Variants in TSHZ2 observed in about 807,000 individuals in gnomAD.
TSHZ2 encodes the protein teashirt homolog 2.
TSHZ2 carries 21 observed loss-of-function variants against 74.4 expected under a neutral mutation model. That is an observed-to-expected ratio of 0.28 (90% CI 0.20 to 0.41). The LOEUF (loss-of-function observed/expected upper bound fraction) is 0.41, where lower values mean the gene tolerates loss of function less well. Ranked by LOEUF, TSHZ2 falls within the 10% of genes least tolerant of loss-of-function variation. The pLI, the probability that TSHZ2 is intolerant of heterozygous loss-of-function variation, is 1.00. For missense variants in TSHZ2, 1,244 were observed against 1,293.5 expected, an observed-to-expected ratio of 0.96 and a Z score of 0.59; for synonymous variants, 540 against 515.3, an observed-to-expected ratio of 1.05 and a Z score of -0.65.
rs1986533713 is a variant in TSHZ2 at position 53,494,598 on chromosome 20, A to C, written c.*7463A>C. On this transcript the variant is annotated 3_prime_UTR_variant, in exon 3 of 3. Coordinates refer to ENST00000371497, the MANE Select transcript of TSHZ2 (RefSeq NM_173485.6). ...TGGTGGAAACGAAGAAAACCCTTAA[A>C]TTATATCACAAAAGCCATTATTTTT... is the stretch of plus-strand genomic sequence containing the variant. 6.6e-6 allele frequency: 1 copy of C among 151,934 alleles called. No individual in the cohort carries two copies. The highest frequency in any genetic ancestry group is 2.4e-5 in the African/African-American group (1 of 41,380). The allele number at this position is 151,934 out of a possible 1,614,324, so 9.4% of individuals were successfully genotyped here.
intron 1 of TSHZ2, among the ~76,000 whole-genome samples, chr20:53,158,296 G>C (rs1374241104): frequency 6.6e-6 from 1 of 152,162 alleles, no homozygotes. Context: ...CACTGGAAGA[G>C]TAATGGATGA....
chr20:52,978,285 A>G lies in TSHZ2; in HGVS notation c.40+4952A>G, dbSNP rs537354890. Among the ~76,000 whole-genome samples the G allele has an allele frequency of 5.3e-5, 8 of 152,264 alleles. No homozygotes were observed. The East Asian group carries it at 1.5e-3, about 29-fold the overall frequency. On this transcript the variant is annotated intron_variant, in intron 1 of 2. Transcript: ENST00000371497. Reference sequence around the variant, plus strand: ...TTTAAAGCCATTGAAATGATGCCTCACTGTTCATCACTGCAGCTGAGCTTA... The same window carrying G: ...TTTAAAGCCATTGAAATGATGCCTCGCTGTTCATCACTGCAGCTGAGCTTA...
At chr20:53,088,920 G>A (rs912474053) in intron 1 of TSHZ2, among the ~76,000 whole-genome samples, 1 of 152,136 alleles carries the variant, frequency 6.6e-6, no homozygotes, top group Non-Finnish European at 1.5e-5. Flanking sequence ...GGAGCACTGA[G>A]TTCCAAGGAT....
intron 1 of TSHZ2, among the ~76,000 whole-genome samples, chr20:53,035,906 C>T (rs964708518): frequency 6.6e-6 from 1 of 152,100 alleles, no homozygotes; most frequent in Non-Finnish European, 1.5e-5. Context: ...AAGACCTATT[C>T]ATAAGTGTAT....
chr20:53,263,947 G>A (rs1017372528), intron 2 of TSHZ2, among the ~76,000 whole-genome samples: 4 of 152,186 alleles, frequency 2.6e-5, no homozygotes, highest in South Asian at 2.1e-4. Context: ...GGACTTGGCC[G>A]GGAGGGTTCC....
At chr20:53,102,336 A>C (rs1336748335) in intron 1 of TSHZ2, among the ~76,000 whole-genome samples, 1 of 152,076 alleles carries the variant, frequency 6.6e-6, no homozygotes, top group Non-Finnish European at 1.5e-5. Context: ...ATATTTGAAA[A>C]CATTCAGACA....
intron 2 of TSHZ2, among the ~76,000 whole-genome samples, chr20:53,328,884 G>C (rs934440427): frequency 1.3e-5 from 2 of 152,088 alleles, no homozygotes; most frequent in African/African-American, 4.8e-5. Flanking sequence ...ACCCTGGCCT[G>C]CTTGATAGAT....
rs1981172886 is a variant in TSHZ2 at position 52,972,876 on chromosome 20, G to T, written c.-418G>T. ...GCGAGTGTGCCTGTGGCGCGTGTGC[G>T]CCCCTCGTCCCTTCCATCCGAACCC... is the stretch of plus-strand genomic sequence containing the variant. On this transcript the variant is annotated 5_prime_UTR_variant, in exon 1 of 3. Transcript: ENST00000371497. The T allele has an allele frequency of 8.8e-6, 2 of 227,992 alleles. No homozygotes were observed. The highest frequency in any genetic ancestry group is 1.7e-4 in the East Asian group (2 of 11,508). The allele number at this position is 227,992 out of a possible 1,614,324, so 14.1% of individuals were successfully genotyped here.
At chr20:53,054,793 T>C (rs1280875811) in intron 1 of TSHZ2, among the ~76,000 whole-genome samples, 1 of 152,198 alleles carries the variant, frequency 6.6e-6, no homozygotes, top group Non-Finnish European at 1.5e-5. Context: ...ACCCCAGGAA[T>C]TTTGTATTCA....
intron 2 of TSHZ2, among the ~76,000 whole-genome samples, chr20:53,476,524 C>G (rs1382828015): frequency 6.7e-6 from 1 of 150,142 alleles, no homozygotes; most frequent in Non-Finnish European, 1.5e-5. Context: ...ATAATAAGAG[C>G]TATCTATGAC....
chr20:53,105,037 A>G (rs544511180), intron 1 of TSHZ2, among the ~76,000 whole-genome samples: 1 of 152,196 alleles, frequency 6.6e-6, no homozygotes, highest in African/African-American at 2.4e-5. Context: ...CAAAGGACGA[A>G]GTCACATTTG....
At chr20:53,469,626 A>AAGGG (rs1202477269) in intron 2 of TSHZ2, among the ~76,000 whole-genome samples, 1,820 of 55,652 alleles carry the variant, frequency 0.033, 224 homozygotes, top group South Asian at 0.13. Flanking sequence ...GAGAGGGAGG[A>AAGGG]AGGGAGGGAG....
intron 2 of TSHZ2, among the ~76,000 whole-genome samples, chr20:53,329,785 A>G (rs543443046): frequency 3.9e-5 from 6 of 152,330 alleles, no homozygotes; most frequent in African/African-American, 1.4e-4. Context: ...TTAATAATAT[A>G]ACTAATAGGC....
intron 2 of TSHZ2, chr20:53,401,023 A>G (rs955427749): frequency 9.8e-5 from 15 of 152,348 alleles, no homozygotes; most frequent in South Asian, 8.3e-4. Context: ...CATTTGACCA[A>G]TGAGGCTCCT....
chr20:53,160,745 C>CAAAAAAAAAAAAAAAAAAAAAA (rs10653039), intron 1 of TSHZ2, among the ~76,000 whole-genome samples: 4 of 95,846 alleles, frequency 4.2e-5, no homozygotes, highest in African/African-American at 1.7e-4. Flanking sequence ...ACTCTGTCTC[C>CAAAAAAAAAAAAAAAAAAAAAA]AAAAAAAAAA....
At chr20:53,404,610 C>T (rs1292476894) in intron 2 of TSHZ2, among the ~76,000 whole-genome samples, 2 of 152,128 alleles carry the variant, frequency 1.3e-5, no homozygotes, top group East Asian at 3.9e-4. Context: ...AATGATTGGT[C>T]GTATCCAGTC....
intron 1 of TSHZ2, among the ~76,000 whole-genome samples, chr20:53,023,677 A>G (rs1378548089): frequency 6.6e-6 from 1 of 150,946 alleles, no homozygotes; most frequent in Non-Finnish European, 1.5e-5. Context: ...TTCAAATACC[A>G]TTTTTCTTCC....
At chr20:53,156,341 G>C (rs949163674) in intron 1 of TSHZ2, among the ~76,000 whole-genome samples, 1 of 152,176 alleles carries the variant, frequency 6.6e-6, no homozygotes. Flanking sequence ...TGTCTGCCTG[G>C]AAGGATGGCA....
At chr20:53,042,824 G>C (rs1280844134) in intron 1 of TSHZ2, among the ~76,000 whole-genome samples, 1 of 152,060 alleles carries the variant, frequency 6.6e-6, no homozygotes, top group Non-Finnish European at 1.5e-5. Flanking sequence ...CATATGTTTC[G>C]ATCCAGCAAT....
Sources: gnomAD v4.1 joint callset for allele counts (sites outside exome capture counted in the v4.1 genomes callset) on GRCh38, gnomAD v4.1.1 for gene constraint, MANE v1.5 for transcripts, NCBI Gene and HGNC (gene_info 2026-07-23, HGNC 2026-07-21) for gene names.